The following SETDB2 variants were observed in gnomAD, a reference collection of about 807,000 sequenced individuals.
The protein encoded by SETDB2 is histone-lysine N-methyltransferase SETDB2.
Under a neutral mutation model 82.5 loss-of-function variants are expected in SETDB2, and 56 were observed. The observed-to-expected ratio is 0.68, with a 90% CI of 0.55 to 0.85. SETDB2 has a LOEUF of 0.85. SETDB2 is among the 40% of genes least tolerant of loss of function. SETDB2 has a pLI of 0.00. For missense variants in SETDB2, 677 were observed against 816.4 expected, an observed-to-expected ratio of 0.83 and a Z score of 2.08; for synonymous variants, 272 against 284.9, an observed-to-expected ratio of 0.95 and a Z score of 0.46.
At position 49,488,514 on chromosome 13, in the gene SETDB2, G is replaced by A; in HGVS notation, c.1801G>A (p.Glu601Lys). The change falls in exon 12 of 14, where the codon GAA becomes AAA. Residue 601 changes from glutamate to lysine, a missense_variant. Coordinates refer to ENST00000611815, the MANE Select transcript of SETDB2 (RefSeq NM_001160308.3). ...TCAAAGACAGCAGGTATTTTGTGAT[G>A]AAGAGTTGCTAAGTGAAACCAAGAA... Reference protein sequence around the residue: ...ACQRQQVFCDEELLSETKNTS... With the variant: ...ACQRQQVFCDKELLSETKNTS... The A allele has an allele frequency of 6.2e-7, 1 of 1,614,106 alleles. No homozygotes were observed. The highest frequency in any genetic ancestry group is 8.5e-7 in the Non-Finnish European group (1 of 1,179,992).
chr13:49,486,822 G>C lies in SETDB2; in HGVS notation c.1576+1099G>C, dbSNP rs1187642572. ...CATTTCACTGTGTCCTTCACAAGGA[G>C]ACATTGCTGAGAGATATCCGTTTGT... On this transcript the variant is annotated intron_variant, in intron 11 of 13. Transcript: ENST00000611815. 4.6e-5 allele frequency among the ~76,000 whole-genome samples: 7 copies of C among 152,286 alleles called. No individual in the cohort carries two copies. The East Asian group carries it at 1.3e-3, about 29-fold the overall frequency.
At chr13:49,454,773 G>C (rs1237146675) in intron 2 of SETDB2, among the ~76,000 whole-genome samples, 1 of 152,112 alleles carries the variant, frequency 6.6e-6, no homozygotes, top group East Asian at 1.9e-4. Context: ...ATACACAATA[G>C]TTTCGGTGCC....
At chr13:49,468,038 A>C (rs1958152393) in intron 5 of SETDB2, 78 bp downstream of exon 5, 2 of 1,002,774 alleles carry the variant, frequency 2.0e-6, no homozygotes, top group Non-Finnish European at 2.8e-6. Context: ...ACATTAGAAT[A>C]GATGAAATAT....
chr13:49,476,003 C>T (rs1002826968), intron 5 of SETDB2, among the ~76,000 whole-genome samples: 2 of 152,130 alleles, frequency 1.3e-5, no homozygotes, highest in African/African-American at 4.8e-5. Flanking sequence ...TTGATCTCAG[C>T]ATGCCTGAAG....
At chr13:49,481,436 T>TAA (rs71078851) in intron 8 of SETDB2, among the ~76,000 whole-genome samples, 6 of 146,100 alleles carry the variant, frequency 4.1e-5, no homozygotes, top group Non-Finnish European at 7.6e-5. Context: ...TTGTTAAAAG[T>TAA]AAAAAAAAAA....
At chr13:49,456,309 T>G (rs1235553473) in intron 2 of SETDB2, among the ~76,000 whole-genome samples, 1 of 152,154 alleles carries the variant, frequency 6.6e-6, no homozygotes, top group Non-Finnish European at 1.5e-5. Context: ...ATCAGTATTA[T>G]TCATGAGCAT....
At chr13:49,474,447 T>C (rs1958314405) in intron 5 of SETDB2, among the ~76,000 whole-genome samples, 1 of 152,190 alleles carries the variant, frequency 6.6e-6, no homozygotes, top group Non-Finnish European at 1.5e-5. Context: ...AACTAACCCA[T>C]TTGCCTTGTG....
chr13:49,471,930 A>ATTTT (rs1424270883), intron 5 of SETDB2, among the ~76,000 whole-genome samples: 5 of 73,116 alleles, frequency 6.8e-5, no homozygotes, highest in Non-Finnish European at 1.3e-4. Flanking sequence ...ATATATATAT[A>ATTTT]TATATTTTTT....
chr13:49,469,329 C>T (rs950535853), intron 5 of SETDB2, among the ~76,000 whole-genome samples: 1 of 152,136 alleles, frequency 6.6e-6, no homozygotes, highest in Non-Finnish European at 1.5e-5. Flanking sequence ...TACTGTTGTC[C>T]CGCCTACACT....
chr13:49,492,044 A>G lies in SETDB2; in HGVS notation c.*195A>G, dbSNP rs1958723424. 2 of 603,312 alleles carry G rather than the reference A, an allele frequency of 3.3e-6. No homozygotes were observed. Among genetic ancestry groups the G allele is most frequent in the East Asian group, 3.2e-5 (1 of 31,386 alleles). 37.4% of individuals were successfully genotyped at this position (603,312 alleles called of 1,614,324 possible). ...TAGGATATTTTCATACACATAGGGT[A>G]TCTTGTTCACTGCTGTGCTACTTTA... On this transcript the variant is annotated 3_prime_UTR_variant, in exon 14 of 14. Coordinates refer to ENST00000611815, the MANE Select transcript of SETDB2 (RefSeq NM_001160308.3).
At chr13:49,476,060 C>CT (rs1430219337) in intron 5 of SETDB2, among the ~76,000 whole-genome samples, 1 of 152,086 alleles carries the variant, frequency 6.6e-6, no homozygotes, top group African/African-American at 2.4e-5. Context: ...TAAATGAACT[C>CT]TAAATTTGCT....
At chr13:49,463,924 G>T (rs1256495830) in intron 4 of SETDB2, 12 of 700,230 alleles carry the variant, frequency 1.7e-5, no homozygotes, top group Non-Finnish European at 3.1e-5. Flanking sequence ...GGTCTGGGCT[G>T]TGCCTATTGC....
chr13:49,476,590 G>A lies in SETDB2; in HGVS notation c.420G>A (p.Leu140=). The part of the protein sequence containing the change: ...YQSHDCSGAC[L]MKMPLNLKGE... Reference sequence around the variant, plus strand: ...GTCATGACTGCTCTGGTGCTTGTCTGATGAAAATGCCACTGAACTTGAAGG... The same window carrying A: ...GTCATGACTGCTCTGGTGCTTGTCTAATGAAAATGCCACTGAACTTGAAGG... Residue 140 remains leucine, a synonymous_variant, in exon 6 of 14, where the codon CTG becomes CTA. Transcript: ENST00000611815. The A allele has an allele frequency of 6.2e-7, 1 of 1,614,194 alleles. No homozygotes were observed. Among genetic ancestry groups the A allele is most frequent in the Non-Finnish European group, 8.5e-7 (1 of 1,180,038 alleles).
chr13:49,467,366 C>T lies in SETDB2; in HGVS notation c.209-498C>T, dbSNP rs150922378. On this transcript the variant is annotated intron_variant, in intron 4 of 13. Transcript: ENST00000611815. ...GCCAAGATCATACCACTGCACTCCA[C>T]CCTGGGCGACAGAGTGAATGAGACT... Among the ~76,000 whole-genome samples the T allele has an allele frequency of 4.4e-3, 657 of 149,444 alleles. 2 individuals are homozygous for T. Among genetic ancestry groups the T allele is most frequent in the African/African-American group, 0.011 (442 of 40,218 alleles).
At chr13:49,485,750 C>G in intron 11 of SETDB2, 27 bp downstream of exon 11, 1 of 1,540,746 alleles carries the variant, frequency 6.5e-7, no homozygotes, top group Non-Finnish European at 9.0e-7. Context: ...CTGTGAATGC[C>G]TACCTCTTCT....
chr13:49,469,426 A>C (rs1187445211), intron 5 of SETDB2, among the ~76,000 whole-genome samples: 3 of 152,216 alleles, frequency 2.0e-5, no homozygotes, highest in Non-Finnish European at 4.4e-5. Flanking sequence ...ACTTATTGAA[A>C]ACGTTGTCAA....
At chr13:49,451,001 G>T (rs1461490887) in intron 1 of SETDB2, among the ~76,000 whole-genome samples, 1 of 150,986 alleles carries the variant, frequency 6.6e-6, no homozygotes, top group Non-Finnish European at 1.5e-5. Flanking sequence ...GTACTATAAT[G>T]TATGCGTTAT....
intron 1 of SETDB2, chr13:49,445,965 C>A: frequency 6.1e-6 from 1 of 165,206 alleles, no homozygotes; most frequent in Non-Finnish European, 1.3e-5. Context: ...TATGGCCGTG[C>A]GCGGTGGGTG....
intron 11 of SETDB2, among the ~76,000 whole-genome samples, chr13:49,486,658 A>G (rs1958604621): frequency 1.3e-5 from 2 of 152,222 alleles, no homozygotes; most frequent in South Asian, 2.1e-4. Context: ...TTGCCTAGCC[A>G]ATACTGCCGC....
Sources: allele counts gnomAD v4.1 joint callset (sites outside exome capture counted in the v4.1 genomes callset), GRCh38; gene constraint gnomAD v4.1.1; transcripts MANE v1.5; gene names NCBI Gene and HGNC (gene_info 2026-07-23, HGNC 2026-07-21).